The following MBOAT7 variants were observed in gnomAD, a reference collection of about 807,000 sequenced individuals.
MBOAT7 encodes membrane-bound acylglycerophosphatidylinositol O-acyltransferase MBOAT7.
In MBOAT7, 40 loss-of-function variants were observed where a neutral mutation model predicts 47.4. The observed-to-expected ratio is 0.84, with a 90% CI of 0.66 to 1.10. MBOAT7 has a LOEUF of 1.10. Among genes scored for constraint, MBOAT7 ranks in the 50% least tolerant of loss-of-function variants. MBOAT7 has a pLI of 0.00. For missense variants in MBOAT7, 680 were observed against 655.6 expected (o/e 1.04, Z -0.41); for synonymous variants, 361 against 292.0 (o/e 1.24, Z -2.41).
intron 4 of MBOAT7, among the ~76,000 whole-genome samples, chr19:54,185,735 G>T (rs937802965): frequency 6.6e-6 from 1 of 151,926 alleles, no homozygotes; most frequent in Admixed American, 6.6e-5. Flanking sequence ...GCCCGGGAAG[G>T]CCCAGGCTGG....
At chr19:54,183,326 C>T (rs900996679) in intron 5 of MBOAT7, among the ~76,000 whole-genome samples, 195 bp downstream of exon 5, 1 of 152,212 alleles carries the variant, frequency 6.6e-6, no homozygotes, top group African/African-American at 2.4e-5. Context: ...TAGGTTGAGA[C>T]AGCCAGCTTC....
chr19:54,187,162 TTCAGCG>T lies in MBOAT7; in HGVS notation c.326_331del (p.Thr109_Leu110del). On this transcript the variant is annotated inframe_deletion and splice_region_variant, in exon 4 of 8. Coordinates refer to ENST00000245615, the MANE Select transcript of MBOAT7 (RefSeq NM_024298.5). ...GGAGTGGCAAGCCCCGAGTCTGACC[TTCAGCG>T]TCAGCAGCAGCTGGACGGCATTGGT... The T allele has an allele frequency of 6.4e-7, 1 of 1,563,554 alleles. No homozygotes were observed. Among genetic ancestry groups the T allele is most frequent in the South Asian group, 1.2e-5 (1 of 85,476 alleles).
chr19:54,187,588 G>A (rs1407767079), intron 3 of MBOAT7, among the ~76,000 whole-genome samples: 1 of 152,226 alleles, frequency 6.6e-6, no homozygotes, highest in Non-Finnish European at 1.5e-5. Context: ...CAGGGCTCAA[G>A]AAGAGAGAGG....
intron 4 of MBOAT7, 163 bp downstream of exon 4, chr19:54,186,998 T>C (rs2288334): frequency 0.022 from 18,946 of 845,930 alleles, 626 homozygotes; most frequent in African/African-American, 0.11. Context: ...CCCAAGGGCA[T>C]GTGAATGGGG....
Position 54,180,947 on chromosome 19 carries a change from A to AGCGG in MBOAT7, c.676_679dup (p.Leu227ProfsTer70). ...GATCATGTAGAAGAGGCGGGCGGGC[A>AGCGG]GCGGGCGGGCGTAGAAGGCGTCCTC... On this transcript the variant is annotated frameshift_variant, in exon 6 of 8. Coordinates refer to ENST00000245615, the MANE Select transcript of MBOAT7 (RefSeq NM_024298.5). LOFTEE classifies it high-confidence loss of function. This position sits in a 1 kb window ranked among gnomAD's most constrained non-coding sequence, Gnocchi z 5.2. 6.3e-7 allele frequency: 1 copy of AGCGG among 1,584,050 alleles called. No individual in the cohort carries two copies. Among genetic ancestry groups the AGCGG allele is most frequent in the Non-Finnish European group, 8.6e-7 (1 of 1,167,276 alleles).
intron 6 of MBOAT7, chr19:54,179,530 C>T (rs2076208420): frequency 6.5e-6 from 1 of 153,954 alleles, no homozygotes; most frequent in Admixed American, 6.4e-5. Context: ...TCTAGCAATA[C>T]AGTGGCTCCC....
intron 7 of MBOAT7, among the ~76,000 whole-genome samples, chr19:54,176,320 T>C (rs1165068367): frequency 6.6e-6 from 1 of 152,092 alleles, no homozygotes; most frequent in Non-Finnish European, 1.5e-5. Context: ...GGAGGACCAT[T>C]GGCTTTCTGG....
At chr19:54,174,803 G>A (rs756537649) in intron 7 of MBOAT7, among the ~76,000 whole-genome samples, 10 of 152,090 alleles carry the variant, frequency 6.6e-5, no homozygotes, top group African/African-American at 1.4e-4. Flanking sequence ...CCCTAGCTCC[G>A]GAAGGCGGAG....
chr19:54,185,917 A>G (rs2076417029), intron 4 of MBOAT7, among the ~76,000 whole-genome samples: 1 of 151,724 alleles, frequency 6.6e-6, no homozygotes, highest in Non-Finnish European at 1.5e-5. Context: ...GATGGTCTCA[A>G]ACTCCTAACC....
chr19:54,184,994 G>T (rs2076392488), intron 4 of MBOAT7, among the ~76,000 whole-genome samples: 1 of 151,150 alleles, frequency 6.6e-6, no homozygotes, highest in Non-Finnish European at 1.5e-5. Context: ...CAGATCACTT[G>T]ATGTCAGGGG....
chr19:54,188,165 T>G (rs764527386), intron 3 of MBOAT7, 52 bp downstream of exon 3: 106 of 1,525,106 alleles, frequency 7.0e-5, no homozygotes, highest in Admixed American at 2.2e-4. Flanking sequence ...AGGAAACAGG[T>G]TGCTTCCCCC....
At chr19:54,177,288 TTG>T (rs1048341039) in intron 7 of MBOAT7, among the ~76,000 whole-genome samples, 1 of 152,126 alleles carries the variant, frequency 6.6e-6, no homozygotes, top group Non-Finnish European at 1.5e-5. Context: ...TGTTTGTTTT[TTG>T]TGTTTTTTTG....
At chr19:54,182,013 A>G (rs1400169148) in intron 5 of MBOAT7, among the ~76,000 whole-genome samples, 159 of 79,856 alleles carry the variant, frequency 2.0e-3, no homozygotes, top group Middle Eastern at 6.7e-3. Context: ...GAAGGAGGGA[A>G]GGAAGGAGGG....
chr19:54,179,052 C>T, intron 6 of MBOAT7, 111 bp from the exon 7 acceptor site: 2 of 1,417,796 alleles, frequency 1.4e-6, no homozygotes, highest in Middle Eastern at 2.1e-4. Flanking sequence ...CCTGGCCAGG[C>T]AATGGCCCTC....
intron 7 of MBOAT7, among the ~76,000 whole-genome samples, chr19:54,175,913 CG>C (rs2076094219): frequency 6.6e-6 from 1 of 152,162 alleles, no homozygotes; most frequent in Admixed American, 6.5e-5. Flanking sequence ...CTGGTAAAGA[CG>C]GGGTTTCACC....
chr19:54,173,770 A>G lies in MBOAT7; in HGVS notation c.*274T>C, dbSNP rs972708873. On this transcript the variant is annotated 3_prime_UTR_variant, in exon 8 of 8. Coordinates refer to ENST00000245615, the MANE Select transcript of MBOAT7 (RefSeq NM_024298.5). ...CCAGGGGCCCCTTCCGTTTTGGGGAAGTGCAGTGCTCTCTGGATACCCAGA... is the reference window on the plus strand; with the variant it reads ...CCAGGGGCCCCTTCCGTTTTGGGGAGGTGCAGTGCTCTCTGGATACCCAGA... 2.5e-6 allele frequency: 1 copy of G among 395,220 alleles called. No individual in the cohort carries two copies. Among genetic ancestry groups the G allele is most frequent in the Non-Finnish European group, 4.5e-6 (1 of 222,784 alleles). 24.5% of individuals were successfully genotyped at this position (395,220 alleles called of 1,614,324 possible). A position where few individuals can be genotyped will look rare whatever the true frequency, so the allele number is the denominator to read the frequency against.
chr19:54,179,280 G>A (rs962113352), intron 6 of MBOAT7: 9 of 366,932 alleles, frequency 2.5e-5, no homozygotes, highest in Admixed American at 4.3e-5. Context: ...CAGAGAAGCC[G>A]CCAAGGATGG....
chr19:54,187,054 GGT>G lies in MBOAT7; in HGVS notation c.333+105_333+106del, dbSNP rs1416956073. 3.0e-6 allele frequency: 4 copies of G among 1,333,542 alleles called. No individual in the cohort carries two copies. In the East Asian group the frequency reaches 1.0e-4, roughly 34 times the overall value. The allele number at this position is 1,333,542 out of a possible 1,614,324, so 82.6% of individuals were successfully genotyped here. On this transcript the variant is annotated intron_variant, in intron 4 of 7. Transcript: ENST00000245615. ...AAGTGAGGTGACGTCCCACCCCCAG[GGT>G]GTGTTGGAGGTAAAATCCCGGGGAG...
chr19:54,175,202 T>G (rs545578941), intron 7 of MBOAT7, among the ~76,000 whole-genome samples: 1 of 152,190 alleles, frequency 6.6e-6, no homozygotes, highest in East Asian at 1.9e-4. Context: ...ATGGTCTCGA[T>G]CTCCTGACCT....
Sources: allele counts gnomAD v4.1 joint callset (sites outside exome capture counted in the v4.1 genomes callset), GRCh38; gene constraint gnomAD v4.1.1; non-coding constraint Gnocchi (gnomAD v3.1); transcripts MANE v1.5; gene names NCBI Gene and HGNC (gene_info 2026-07-23, HGNC 2026-07-21).